Variants in SLC24A2 observed in about 807,000 individuals in gnomAD.
SLC24A2 encodes solute carrier family 24 member 2.
In SLC24A2, 36 loss-of-function variants were observed where a neutral mutation model predicts 62.0. The observed-to-expected ratio is 0.58, with a 90% confidence interval of 0.44 to 0.77. The LOEUF (loss-of-function observed/expected upper bound fraction) is 0.77, where lower values mean the gene tolerates loss of function less well. SLC24A2 is among the 30% of genes least tolerant of loss of function. SLC24A2 has a pLI of 0.00. For synonymous variants in SLC24A2, 358 were observed against 294.0 expected (o/e 1.22, Z -2.23); for missense variants, 846 against 817.9 (o/e 1.03, Z -0.42).
chr9:19,979,107 G>A, the SLC24A2 span, among the ~76,000 whole-genome samples: 1,279 of 152,296 alleles, frequency 8.4e-3, 6 homozygotes, highest in Admixed American at 0.013. Context: ...TGCAAGTAAT[G>A]AAGACATCTC....
At chr9:19,831,058 C>T in the SLC24A2 span, among the ~76,000 whole-genome samples, 1 of 152,142 alleles carries the variant, frequency 6.6e-6, no homozygotes, top group African/African-American at 2.4e-5. Flanking sequence ...AAAAGAATGC[C>T]TCCTTTAACC....
the SLC24A2 span, among the ~76,000 whole-genome samples, chr9:19,892,562 C>T: frequency 1.3e-5 from 2 of 152,188 alleles, no homozygotes; most frequent in African/African-American, 4.8e-5. Flanking sequence ...CACACATCCT[C>T]AAAACAGACC....
intron 8 of SLC24A2, among the ~76,000 whole-genome samples, chr9:19,533,775 G>C (rs1255658468): frequency 6.6e-6 from 1 of 152,212 alleles, no homozygotes; most frequent in Non-Finnish European, 1.5e-5. Context: ...TAAGCCACTA[G>C]GTTGGGGTGG....
the SLC24A2 span, among the ~76,000 whole-genome samples, chr9:20,108,614 T>C: frequency 1.5e-4 from 23 of 149,934 alleles, 1 homozygote; most frequent in South Asian, 1.3e-3. Flanking sequence ...AACCAAACAC[T>C]GCATATTCTC....
At chr9:19,541,750 G>A (rs373147569) in intron 8 of SLC24A2, among the ~76,000 whole-genome samples, 61 of 148,334 alleles carry the variant, frequency 4.1e-4, no homozygotes, top group Non-Finnish European at 5.8e-4. Flanking sequence ...CGAGCTTCCC[G>A]GCTGCTTTGT....
the SLC24A2 span, among the ~76,000 whole-genome samples, chr9:19,823,297 TTGTGTGTGTG>T: frequency 1.3e-4 from 19 of 150,142 alleles, no homozygotes; most frequent in African/African-American, 2.2e-4. Flanking sequence ...TGTATTAACA[TTGTGTGTGTG>T]TGTGTGTGTG....
At chr9:19,802,712 G>A in the SLC24A2 span, among the ~76,000 whole-genome samples, 1 of 152,186 alleles carries the variant, frequency 6.6e-6, no homozygotes, top group South Asian at 2.1e-4. Flanking sequence ...AAATGAAATT[G>A]TGCGGAAGTC....
At chr9:20,018,485 G>A in the SLC24A2 span, among the ~76,000 whole-genome samples, 1 of 152,060 alleles carries the variant, frequency 6.6e-6, no homozygotes. Context: ...CACCTCCCAT[G>A]CTGTTGCTTC....
At chr9:20,264,690 T>C in the SLC24A2 span, among the ~76,000 whole-genome samples, 1 of 152,212 alleles carries the variant, frequency 6.6e-6, no homozygotes, top group South Asian at 2.1e-4. Flanking sequence ...TGAGATCATA[T>C]GAAAAATAAC....
the SLC24A2 span, among the ~76,000 whole-genome samples, chr9:20,244,031 G>C: frequency 3.3e-5 from 5 of 152,126 alleles, no homozygotes; most frequent in Non-Finnish European, 7.3e-5. Flanking sequence ...GTGAAACTGC[G>C]CTGGCTTCAG....
At chr9:19,524,781 T>C (rs1385502576) in intron 9 of SLC24A2, among the ~76,000 whole-genome samples, 1 of 152,002 alleles carries the variant, frequency 6.6e-6, no homozygotes, top group African/African-American at 2.4e-5. Context: ...ATTGAATTTG[T>C]GTTCCTTTTC....
At chr9:19,592,475 GACCTACCTACCTACCTACCCACCT>G (rs1349003408) in intron 5 of SLC24A2, among the ~76,000 whole-genome samples, 36 of 84,526 alleles carry the variant, frequency 4.3e-4, no homozygotes, top group African/African-American at 1.0e-3. Context: ...GATATCTACC[GACCTACCTACCTACCTACCCACCT>G]ACCTACCTAC....
the SLC24A2 span, among the ~76,000 whole-genome samples, chr9:19,945,827 T>A: frequency 3.3e-5 from 5 of 152,232 alleles, no homozygotes; most frequent in Non-Finnish European, 7.3e-5. Context: ...AAACTGGTTT[T>A]ATCCATATAT....
the SLC24A2 span, among the ~76,000 whole-genome samples, chr9:19,983,380 C>T: frequency 6.6e-6 from 1 of 152,262 alleles, no homozygotes; most frequent in East Asian, 1.9e-4. Context: ...CACGGTGGCT[C>T]ACACCTGTAA....
intron 2 of SLC24A2, among the ~76,000 whole-genome samples, chr9:19,671,887 C>A (rs539402219): frequency 7.2e-6 from 1 of 138,100 alleles, no homozygotes; most frequent in Non-Finnish European, 1.5e-5. Flanking sequence ...ACCATCCCTG[C>A]ATCCCTGGTA....
chr9:19,620,714 C>G (rs575819279), intron 3 of SLC24A2, among the ~76,000 whole-genome samples: 2 of 152,324 alleles, frequency 1.3e-5, no homozygotes, highest in South Asian at 2.1e-4. Context: ...AGAGAAGACT[C>G]TCTGAGGCAG....
chr9:20,284,956 T>A, the SLC24A2 span, among the ~76,000 whole-genome samples: 1 of 152,266 alleles, frequency 6.6e-6, no homozygotes, highest in East Asian at 1.9e-4. Context: ...GCTGCTTTTT[T>A]CTTATGCCTT....
intron 5 of SLC24A2, among the ~76,000 whole-genome samples, chr9:19,577,855 T>C (rs959852128): frequency 6.7e-6 from 1 of 148,274 alleles, no homozygotes; most frequent in Non-Finnish European, 1.5e-5. Context: ...ATATATAAAA[T>C]ATATATATAA....
chr9:19,842,735 G>C, the SLC24A2 span, among the ~76,000 whole-genome samples: 1 of 152,146 alleles, frequency 6.6e-6, no homozygotes, highest in Non-Finnish European at 1.5e-5. Flanking sequence ...ACCAATAGCT[G>C]TATTGTATAT....
Sources: allele counts gnomAD v4.1 joint callset (sites outside exome capture counted in the v4.1 genomes callset), GRCh38; gene constraint gnomAD v4.1.1; transcripts MANE v1.5; gene names NCBI Gene and HGNC (gene_info 2026-07-23, HGNC 2026-07-21).